Variants in ADCY2 observed in about 807,000 individuals in gnomAD.
ADCY2 encodes adenylate cyclase type 2.
ADCY2 carries 31 observed loss-of-function variants against 125.2 expected under a neutral mutation model. The ratio of observed to expected loss-of-function variants is 0.25; its 90% CI spans 0.19 to 0.33. The LOEUF is 0.33. Among genes scored for constraint, ADCY2 ranks in the 10% least tolerant of loss-of-function variants. The pLI is 1.00. For synonymous variants in ADCY2, 512 were observed against 548.4 expected (o/e 0.93, Z 0.93); for missense variants, 904 against 1,418.2 (o/e 0.64, Z 5.82).
rs997636535 is a variant in ADCY2 at position 7,632,934 on chromosome 5, A to T, written c.720+6618A>T. 3.9e-5 allele frequency among the ~76,000 whole-genome samples: 6 copies of T among 152,328 alleles called. No individual in the cohort carries two copies. The South Asian group carries it at 1.2e-3, about 32-fold the overall frequency. ...TCACCACAAATTTGCGAAGATTGCA[A>T]TGAAGATTGTGCTATGACTGTGCAA... On this transcript the variant is annotated intron_variant, in intron 4 of 24. Coordinates refer to ENST00000338316, the MANE Select transcript of ADCY2 (RefSeq NM_020546.3).
chr5:7,761,132 TC>T (rs1743185817), intron 16 of ADCY2, among the ~76,000 whole-genome samples: 2 of 77,886 alleles, frequency 2.6e-5, no homozygotes, highest in African/African-American at 5.1e-5. Flanking sequence ...TATCAAAATT[TC>T]TTTTCTTTTC....
chr5:7,643,477 C>T (rs533596595), intron 4 of ADCY2, among the ~76,000 whole-genome samples: 1 of 151,892 alleles, frequency 6.6e-6, no homozygotes, highest in Non-Finnish European at 1.5e-5. Flanking sequence ...GATACCAAAG[C>T]TGTGTTGAAT....
At chr5:7,589,117 C>T (rs1255786000) in intron 3 of ADCY2, among the ~76,000 whole-genome samples, 1 of 152,020 alleles carries the variant, frequency 6.6e-6, no homozygotes. Context: ...TGTAATGGTC[C>T]TTAATAGCCA....
At chr5:7,635,545 T>C (rs1325394470) in intron 4 of ADCY2, among the ~76,000 whole-genome samples, 1 of 152,092 alleles carries the variant, frequency 6.6e-6, no homozygotes, top group Non-Finnish European at 1.5e-5. Flanking sequence ...GGAGGTAAGG[T>C]ACAGTAGAAA....
At chr5:7,722,604 C>A (rs1330945665) in intron 12 of ADCY2, among the ~76,000 whole-genome samples, 1 of 151,504 alleles carries the variant, frequency 6.6e-6, no homozygotes, top group Non-Finnish European at 1.5e-5. Context: ...TAAGAAATAC[C>A]AAAAAAGTTT....
intron 4 of ADCY2, among the ~76,000 whole-genome samples, chr5:7,648,900 C>T (rs1052839510): frequency 6.6e-6 from 1 of 152,098 alleles, no homozygotes; most frequent in Admixed American, 6.6e-5. Flanking sequence ...AGTGATAGCT[C>T]AGAAGATAAG....
chr5:7,820,652 G>A lies in ADCY2; in HGVS notation c.3086G>A (p.Ser1029Asn). The A allele has an allele frequency of 6.2e-7, 1 of 1,614,088 alleles. No homozygotes were observed. Among genetic ancestry groups the A allele is most frequent in the Non-Finnish European group, 8.5e-7 (1 of 1,179,954 alleles). Residue 1029 changes from serine (S) to asparagine (N), a missense_variant, in exon 24 of 25, where the codon AGT (serine) becomes AAT (asparagine). Ser to Asn is a conservative substitution (Grantham distance 46). Around this residue, in one of 7 missense-constraint regions of ADCY2, gnomAD observed 181 missense variants for 381.6 expected, o/e 0.47. Coordinates refer to ENST00000338316, the MANE Select transcript of ADCY2 (RefSeq NM_020546.3). ...DIWGNTVNVASRMDSTGVLDK... is the reference protein window; with the variant it reads ...DIWGNTVNVANRMDSTGVLDK... ...TGGGGCAACACTGTCAATGTGGCCA[G>A]TAGGATGGACAGCACCGGAGTCCTG...
At chr5:7,425,388 C>T (rs1270921765) in intron 2 of ADCY2, among the ~76,000 whole-genome samples, 1 of 152,196 alleles carries the variant, frequency 6.6e-6, no homozygotes, top group Admixed American at 6.5e-5. Context: ...GTCTTGGATG[C>T]TGTTGTTCTA....
chr5:7,623,578 G>A (rs921622559), intron 3 of ADCY2, among the ~76,000 whole-genome samples: 2 of 152,148 alleles, frequency 1.3e-5, no homozygotes, highest in African/African-American at 4.8e-5. Context: ...GGTCATCAGG[G>A]CTTTCCACAT....
intron 2 of ADCY2, among the ~76,000 whole-genome samples, chr5:7,443,588 C>T (rs550128612): frequency 6.4e-5 from 8 of 124,508 alleles, no homozygotes; most frequent in South Asian, 2.6e-4. Flanking sequence ...TGCAGTGAGC[C>T]GAGATCACGC....
At chr5:7,532,713 C>A (rs1263117735) in intron 3 of ADCY2, among the ~76,000 whole-genome samples, 1 of 152,008 alleles carries the variant, frequency 6.6e-6, no homozygotes, top group African/African-American at 2.4e-5. Flanking sequence ...TAAAACAAAT[C>A]ATTCGTGGAC....
At chr5:7,451,718 A>T (rs1401447505) in intron 2 of ADCY2, among the ~76,000 whole-genome samples, 1 of 152,134 alleles carries the variant, frequency 6.6e-6, no homozygotes, top group Non-Finnish European at 1.5e-5. Flanking sequence ...GAGTACATGG[A>T]TGTGGCAAAC....
At chr5:7,486,219 G>T (rs530637841) in intron 2 of ADCY2, among the ~76,000 whole-genome samples, 1 of 152,314 alleles carries the variant, frequency 6.6e-6, no homozygotes, top group Non-Finnish European at 1.5e-5. Context: ...AGAGTTTCAT[G>T]AAGTATCGTA....
intron 14 of ADCY2, among the ~76,000 whole-genome samples, chr5:7,738,713 A>T (rs1185097962): frequency 6.6e-6 from 1 of 152,048 alleles, no homozygotes; most frequent in Non-Finnish European, 1.5e-5. Context: ...AATAAGCACA[A>T]GGAGGCTACT....
chr5:7,401,107 A>C (rs1287509572), intron 1 of ADCY2, among the ~76,000 whole-genome samples: 1 of 152,160 alleles, frequency 6.6e-6, no homozygotes, highest in Non-Finnish European at 1.5e-5. Flanking sequence ...CTTGTTTGTA[A>C]AATGGCATGG....
chr5:7,547,493 C>A (rs1389119616), intron 3 of ADCY2, among the ~76,000 whole-genome samples: 1 of 152,160 alleles, frequency 6.6e-6, no homozygotes, highest in Non-Finnish European at 1.5e-5. Context: ...GGCAGATGGG[C>A]GTGTCCGGGG....
chr5:7,577,436 G>T (rs759620811), intron 3 of ADCY2, among the ~76,000 whole-genome samples: 10 of 152,138 alleles, frequency 6.6e-5, no homozygotes, highest in African/African-American at 2.4e-4. Flanking sequence ...ATGGGATTTT[G>T]ATACTCATAT....
intron 1 of ADCY2, among the ~76,000 whole-genome samples, chr5:7,405,545 C>G (rs1399671023): frequency 6.6e-6 from 1 of 152,134 alleles, no homozygotes; most frequent in Non-Finnish European, 1.5e-5. Context: ...AGCAGGCTAG[C>G]CTGAGCTTCT....
chr5:7,820,558 G>A lies in ADCY2; in HGVS notation c.2999-7G>A. On this transcript the variant is annotated splice_polypyrimidine_tract_variant and splice_region_variant and intron_variant, in intron 23 of 24. Coordinates refer to ENST00000338316, the MANE Select transcript of ADCY2 (RefSeq NM_020546.3). ...AATCTTGCTAACTCAACTCTGATGT[G>A]GCACAGGTATTAACCATGGACCTGT... is the stretch of plus-strand genomic sequence containing the variant. 2 of 1,613,556 alleles carry A rather than the reference G, an allele frequency of 1.2e-6. No homozygotes were observed. Among genetic ancestry groups the A allele is most frequent in the Non-Finnish European group, 1.7e-6 (2 of 1,179,690 alleles).
Sources: gnomAD v4.1 joint callset for allele counts (sites outside exome capture counted in the v4.1 genomes callset) on GRCh38, gnomAD v4.1.1 for gene constraint, gnomAD v4.1.1 regional missense constraint, MANE v1.5 for transcripts, NCBI Gene and HGNC (gene_info 2026-07-23, HGNC 2026-07-21) for gene names.